Variants in SF3A3 observed in about 807,000 individuals in gnomAD.
SF3A3 encodes the protein splicing factor 3a subunit 3.
In SF3A3, 9 loss-of-function variants were observed where a neutral mutation model predicts 85.8. That is an observed-to-expected ratio of 0.10 (90% CI 0.06 to 0.18). The LOEUF is 0.18. Ranked by LOEUF, SF3A3 falls within the 10% of genes least tolerant of loss-of-function variation. The probability of loss-of-function intolerance (pLI) is 1.00; values close to 1 mark genes in which losing one functional copy is unlikely to be tolerated. For synonymous variants in SF3A3, 195 were observed against 204.4 expected (o/e 0.95, Z 0.39); for missense variants, 306 against 593.3 (o/e 0.52, Z 5.03).
intron 12 of SF3A3, among the ~76,000 whole-genome samples, chr1:37,973,233 C>T (rs1646355536): frequency 1.3e-5 from 2 of 151,924 alleles, no homozygotes; most frequent in African/African-American, 2.4e-5. Flanking sequence ...AAACCTAAAA[C>T]CATAAAAACC....
At chr1:37,967,334 G>C (rs1374535649) in intron 15 of SF3A3, among the ~76,000 whole-genome samples, 1 of 150,178 alleles carries the variant, frequency 6.7e-6, no homozygotes, top group Non-Finnish European at 1.5e-5. Context: ...ACCTGAGGTC[G>C]GGAGTTCAAG....
Position 37,989,953 on chromosome 1 carries a change from G to C in SF3A3, c.13C>G (p.Leu5Val). METI[L>V]EQQRRYHEEK... is the part of the protein sequence containing the mutation. ...TCATGATAGCGCCGCTGCTGCTCCA[G>C]TATTGTCTCCATCTTCCCTTAGTCG... The change falls in exon 1 of 17, where the codon CTG becomes GTG. Residue 5 changes from leucine to valine, a missense_variant. Leu to Val is a conservative substitution (Grantham distance 32, BLOSUM62 1). Around this residue, in one of 4 missense-constraint regions of SF3A3, gnomAD observed 152 missense variants for 192.0 expected, o/e 0.79. Coordinates refer to ENST00000373019, the MANE Select transcript of SF3A3 (RefSeq NM_006802.4). The C allele has an allele frequency of 6.2e-7, 1 of 1,611,604 alleles. No homozygotes were observed. The highest frequency in any genetic ancestry group is 8.5e-7 in the Non-Finnish European group (1 of 1,179,418).
rs771567468 is a variant in SF3A3, at chr1:37,958,215, C to T, written c.1477G>A (p.Glu493Lys). The change falls in exon 17 of 17, where the codon GAG becomes AAG. Residue 493 changes from glutamate to lysine, a missense_variant. Physicochemically the swap from Glu to Lys is moderately conservative, Grantham distance 56. This residue lies in a region of SF3A3 where 18 missense variants were observed against 77.4 expected (regional missense o/e 0.23). Coordinates refer to ENST00000373019, the MANE Select transcript of SF3A3 (RefSeq NM_006802.4). Reference sequence around the variant, plus strand: ...AGCAGTCCTTGTCTTTTCAGATCCTCGTATGTCTTCTTATTCACAACATTC... The same window carrying T: ...AGCAGTCCTTGTCTTTTCAGATCCTTGTATGTCTTCTTATTCACAACATTC... ...SGNVVNKKTY[E>K]DLKRQGLL is the part of the protein sequence containing the mutation. The T allele has an allele frequency of 6.8e-6, 11 of 1,612,118 alleles. No individual in the cohort carries two copies. The highest frequency in any genetic ancestry group is 6.7e-5 in the East Asian group (3 of 44,862).
chr1:37,968,874 C>T (rs1457309348), intron 14 of SF3A3, among the ~76,000 whole-genome samples: 1 of 152,150 alleles, frequency 6.6e-6, no homozygotes, highest in Non-Finnish European at 1.5e-5. Flanking sequence ...TAGAGGTGAG[C>T]CCACTTACAG....
rs1646222449 is a variant in SF3A3 at position 37,957,009 on chromosome 1, G to A, written c.*1177C>T. On this transcript the variant is annotated 3_prime_UTR_variant, in exon 17 of 17. Transcript: ENST00000373019. Reference sequence around the variant, plus strand: ...AAAGTAGATTTATTAAAAAACAGTTGAAGGTCTGAGTGTTGAGAGGCAAAT... The same window carrying A: ...AAAGTAGATTTATTAAAAAACAGTTAAAGGTCTGAGTGTTGAGAGGCAAAT... 6.6e-6 allele frequency: 1 copy of A among 152,298 alleles called. No individual in the cohort carries two copies. Among genetic ancestry groups the A allele is most frequent in the East Asian group, 1.9e-4 (1 of 5,184 alleles). 9.4% of individuals were successfully genotyped at this position (152,298 alleles called of 1,614,324 possible). A position where few individuals can be genotyped will look rare whatever the true frequency, so the allele number is the denominator to read the frequency against.
intron 14 of SF3A3, among the ~76,000 whole-genome samples, chr1:37,968,435 A>G (rs1435731271): frequency 6.6e-6 from 1 of 152,170 alleles, no homozygotes; most frequent in African/African-American, 2.4e-5. Context: ...AACTCTCACT[A>G]CATCTCCCAT....
At chr1:37,981,152 A>AC (rs1646415998) in intron 7 of SF3A3, among the ~76,000 whole-genome samples, 2 of 151,706 alleles carry the variant, frequency 1.3e-5, no homozygotes, top group Admixed American at 6.6e-5. Flanking sequence ...CCCGGCCAAT[A>AC]CTCATTTTTA....
At chr1:37,958,766 CA>C (rs1390244536) in intron 16 of SF3A3, among the ~76,000 whole-genome samples, 4 of 151,644 alleles carry the variant, frequency 2.6e-5, no homozygotes, top group Non-Finnish European at 4.4e-5. Flanking sequence ...GTTTTGCTGC[CA>C]AAAAGAAAAA....
chr1:37,989,802 C>T, intron 1 of SF3A3, 68 bp downstream of exon 1: 2 of 1,372,406 alleles, frequency 1.5e-6, no homozygotes, highest in South Asian at 2.3e-5. Context: ...CCAAAGCAAG[C>T]TCTCAGAGGT....
At chr1:37,989,804 C>T in intron 1 of SF3A3, 66 bp downstream of exon 1, 1 of 1,390,104 alleles carries the variant, frequency 7.2e-7, no homozygotes, top group Non-Finnish European at 1.0e-6. Context: ...AAAGCAAGCT[C>T]TCAGAGGTCA....
chr1:37,975,515 C>CAA lies in SF3A3; in HGVS notation c.1005+1367_1005+1368dup, dbSNP rs35993262. 5.6e-4 allele frequency among the ~76,000 whole-genome samples: 82 copies of CAA among 145,422 alleles called. 1 individual carries two copies. Among genetic ancestry groups the CAA allele is most frequent in the East Asian group, 2.0e-3 (10 of 4,994 alleles). ...TGGGTGACAGAGTGAGATACTATTTCAAAAAAAAAAAAGAGGGAGAAAGTG... is the reference window on the plus strand; with the variant it reads ...TGGGTGACAGAGTGAGATACTATTTCAAAAAAAAAAAAAAGAGGGAGAAAGTG... On this transcript the variant is annotated intron_variant, in intron 12 of 16. Coordinates refer to ENST00000373019, the MANE Select transcript of SF3A3 (RefSeq NM_006802.4).
rs1646444464 is a variant in SF3A3, at chr1:37,984,885, G to T, written c.304-106C>A. 3 of 868,672 alleles carry T rather than the reference G, an allele frequency of 3.5e-6. No homozygotes were observed. The Admixed American group carries it at 5.9e-5, about 17-fold the overall frequency. 53.8% of individuals were successfully genotyped at this position (868,672 alleles called of 1,614,324 possible). On this transcript the variant is annotated intron_variant, in intron 4 of 16. Coordinates refer to ENST00000373019, the MANE Select transcript of SF3A3 (RefSeq NM_006802.4). Reference sequence around the variant, plus strand: ...TGCACTGGCACAATCTTGGCTCACTGCAACCTCTACCTCCCGGGTTCAAGC... The same window carrying T: ...TGCACTGGCACAATCTTGGCTCACTTCAACCTCTACCTCCCGGGTTCAAGC...
chr1:37,979,020 A>G lies in SF3A3; in HGVS notation c.795T>C (p.Ser265=), dbSNP rs1646398821. The G allele has an allele frequency of 6.2e-7, 1 of 1,614,116 alleles. No homozygotes were observed. The highest frequency in any genetic ancestry group is 8.5e-7 in the Non-Finnish European group (1 of 1,179,926). The change falls in exon 10 of 17, where the codon TCT becomes TCC. Residue 265 remains serine, a synonymous_variant. Coordinates refer to ENST00000373019, the MANE Select transcript of SF3A3 (RefSeq NM_006802.4). The part of the protein sequence containing the change: ...LASLGLDRLK[S]ALLALGLKCG... ...ATTTCAAGCCTAAAGCTAAGAGAGCAGATTTCAATCTGTCCAAACCCAGAG... is the reference window on the plus strand; with the variant it reads ...ATTTCAAGCCTAAAGCTAAGAGAGCGGATTTCAATCTGTCCAAACCCAGAG...
chr1:37,980,841 CTTTTTTTTTT>C (rs760972269), intron 7 of SF3A3, 117 bp from the exon 8 acceptor site: 15 of 95,446 alleles, frequency 1.6e-4, no homozygotes, highest in East Asian at 1.2e-3. Flanking sequence ...TTTTAATACT[CTTTTTTTTTT>C]TTTTTTTTTT....
intron 15 of SF3A3, among the ~76,000 whole-genome samples, chr1:37,967,003 A>ACTTTG (rs1646305923): frequency 7.3e-6 from 1 of 136,816 alleles, no homozygotes; most frequent in African/African-American, 2.8e-5. Flanking sequence ...TTATCCCAGC[A>ACTTTG]CTTTGGGAGG....
At chr1:37,958,440 G>T (rs1646234986) in intron 16 of SF3A3, among the ~76,000 whole-genome samples, 177 bp from the exon 17 acceptor site, 1 of 152,166 alleles carries the variant, frequency 6.6e-6, no homozygotes, top group Non-Finnish European at 1.5e-5. Flanking sequence ...AAGTCCCACT[G>T]CCCCAAAGCA....
chr1:37,958,216 G>A lies in SF3A3; in HGVS notation c.1476C>T (p.Tyr492=), dbSNP rs1227189935. 15 of 1,612,048 alleles carry A rather than the reference G, an allele frequency of 9.3e-6. No homozygotes were observed. Among genetic ancestry groups the A allele is most frequent in the Middle Eastern group, 1.6e-4 (1 of 6,082 alleles). The change falls in exon 17 of 17, where the codon TAC becomes TAT. Residue 492 remains tyrosine (Y), a synonymous_variant. Transcript: ENST00000373019. ...GCAGTCCTTGTCTTTTCAGATCCTC[G>A]TATGTCTTCTTATTCACAACATTCC... The part of the protein sequence containing the change: ...SSGNVVNKKT[Y]EDLKRQGLL
rs71057113 is a variant in SF3A3 at position 37,983,256 on chromosome 1, T to TAA, written c.468+911_468+912dup. On this transcript the variant is annotated intron_variant, in intron 6 of 16. Transcript: ENST00000373019. Reference sequence around the variant, plus strand: ...TCCAGCCAGGAACATGGTATTTATTTAAAAAAAAAAAAAAAAAAAAAAGAA... The same window carrying TAA: ...TCCAGCCAGGAACATGGTATTTATTTAAAAAAAAAAAAAAAAAAAAAAAAGAA... 3.5e-4 allele frequency among the ~76,000 whole-genome samples: 43 copies of TAA among 121,488 alleles called. 1 individual carries two copies. Among genetic ancestry groups the TAA allele is most frequent in the African/African-American group, 1.2e-3 (40 of 32,008 alleles). 79.7% of individuals were successfully genotyped at this position (121,488 alleles called of 152,430 possible). A position where few individuals can be genotyped will look rare whatever the true frequency, so the allele number is the denominator to read the frequency against.
At chr1:37,983,775 A>C (rs975330698) in intron 6 of SF3A3, among the ~76,000 whole-genome samples, 9 of 151,764 alleles carry the variant, frequency 5.9e-5, no homozygotes, top group Admixed American at 4.6e-4. Flanking sequence ...TCTTTACAAA[A>C]AAAGACAAAA....
Sources: gnomAD v4.1 joint callset for allele counts (sites outside exome capture counted in the v4.1 genomes callset) on GRCh38, gnomAD v4.1.1 for gene constraint, gnomAD v4.1.1 regional missense constraint, MANE v1.5 for transcripts, NCBI Gene and HGNC (gene_info 2026-07-23, HGNC 2026-07-21) for gene names.